CEP162: variants seen among roughly 807,000 people sequenced by gnomAD.
CEP162 encodes centrosomal protein of 162 kDa.
A neutral mutation model predicts 169.2 loss-of-function variants in CEP162; 141 were observed. That is an observed-to-expected ratio of 0.83 (90% CI 0.73 to 0.96). The LOEUF is 0.96. Ranked by LOEUF, CEP162 falls within the 40% of genes least tolerant of loss-of-function variation. The pLI is 0.00. For missense variants in CEP162, 1,600 were observed against 1,587.2 expected (o/e 1.01, Z -0.14); for synonymous variants, 540 against 526.4 (o/e 1.03, Z -0.35).
intron 21 of CEP162, among the ~76,000 whole-genome samples, chr6:84,158,085 C>T (rs904033083): frequency 9.2e-5 from 14 of 152,180 alleles, no homozygotes; most frequent in Non-Finnish European, 2.9e-5. Context: ...ATATGCCTGT[C>T]TATATACCTG....
In CEP162 at chr6:84,145,949, T is replaced by C. The variant is rs1242609174; in HGVS notation, c.3870+738A>G. The stretch of plus-strand genomic sequence containing the variant: ...TCTTTTGTTTCCATAGAAATGCCTC[T>C]TATTAGATCACCATATAGAGGCCTA... On this transcript the variant is annotated intron_variant, in intron 25 of 26. Transcript: ENST00000403245. Among the ~76,000 whole-genome samples the C allele has an allele frequency of 3.3e-5, 5 of 152,136 alleles. 1 individual carries two copies. The South Asian group carries it at 8.3e-4, about 25-fold the overall frequency.
chr6:84,180,941 G>C (rs1262718055), intron 13 of CEP162, among the ~76,000 whole-genome samples: 1 of 151,954 alleles, frequency 6.6e-6, no homozygotes, highest in African/African-American at 2.4e-5. Flanking sequence ...TATAGATTCA[G>C]TGCCATCCCC....
chr6:84,196,767 T>C (rs1434579329), intron 9 of CEP162, among the ~76,000 whole-genome samples: 3 of 152,308 alleles, frequency 2.0e-5, no homozygotes, highest in East Asian at 1.9e-4. Context: ...ACAGAAGAGA[T>C]AGCCAAGTGG....
In CEP162 at chr6:84,152,854, G is replaced by A. The variant is rs766441021; in HGVS notation, c.3320C>T (p.Thr1107Ile). 2.1e-5 allele frequency: 34 copies of A among 1,613,478 alleles called. 1 individual carries two copies. The African/African-American group carries it at 4.4e-4, about 21-fold the overall frequency. ...KKREIQDLSK[T>I]VERLQKDRRM... ...TCTGTCTTTCTGAAGCCTCTCCACA[G>A]TTTTTGAGAGGTCTTGTATTTCTCT... Residue 1107 changes from threonine to isoleucine, a missense_variant, in exon 23 of 27, where the codon ACT (threonine) becomes ATT (isoleucine). Coordinates refer to ENST00000403245, the MANE Select transcript of CEP162 (RefSeq NM_014895.4).
At chr6:84,219,963 T>C (rs564967438) in intron 3 of CEP162, among the ~76,000 whole-genome samples, 28 of 152,234 alleles carry the variant, frequency 1.8e-4, no homozygotes, top group African/African-American at 6.3e-4. Context: ...GTGGTGATGC[T>C]AGGCTTTATT....
chr6:84,178,587 G>A (rs1562047690), intron 13 of CEP162, among the ~76,000 whole-genome samples: 1 of 152,194 alleles, frequency 6.6e-6, no homozygotes, highest in Non-Finnish European at 1.5e-5. Context: ...AGGGGATGTA[G>A]TAAGGGGTAA....
intron 10 of CEP162, among the ~76,000 whole-genome samples, chr6:84,194,661 C>T (rs978718305): frequency 1.3e-5 from 2 of 151,870 alleles, no homozygotes; most frequent in Non-Finnish European, 2.9e-5. Flanking sequence ...ACCATGTTGC[C>T]CAGGATGGTC....
intron 25 of CEP162, among the ~76,000 whole-genome samples, chr6:84,141,890 A>AACTT (rs1295127109): frequency 6.6e-6 from 1 of 152,086 alleles, no homozygotes; most frequent in African/African-American, 2.4e-5. Context: ...GGAAAAGAAA[A>AACTT]ACTTAAAAAA....
chr6:84,200,783 T>G lies in CEP162; in HGVS notation c.835+6A>C. 1 of 1,501,178 alleles carries G rather than the reference T, an allele frequency of 6.7e-7. No individual in the cohort carries two copies. Among genetic ancestry groups the G allele is most frequent in the Non-Finnish European group, 9.3e-7 (1 of 1,078,036 alleles). The allele number at this position is 1,501,178 out of a possible 1,614,324, so 93.0% of individuals were successfully genotyped here. ...AGAGAACAGTCAGGTTTCTAAACAT[T>G]TTTACCTGTTCCTGTCATTTCATTC... is the stretch of plus-strand genomic sequence containing the variant. On this transcript the variant is annotated splice_donor_region_variant and intron_variant, in intron 9 of 26. Transcript: ENST00000403245.
At chr6:84,172,245 T>G (rs988174344) in intron 16 of CEP162, among the ~76,000 whole-genome samples, 4 of 152,300 alleles carry the variant, frequency 2.6e-5, no homozygotes, top group African/African-American at 9.6e-5. Flanking sequence ...GACCGGTGTT[T>G]CTGAAAGTTG....
At chr6:84,213,501 C>T (rs2099550343) in intron 5 of CEP162, among the ~76,000 whole-genome samples, 1 of 152,160 alleles carries the variant, frequency 6.6e-6, no homozygotes, top group Non-Finnish European at 1.5e-5. Flanking sequence ...AGCAAGGGGA[C>T]AAAGGAGCTT....
At chr6:84,222,210 G>T (rs768323516) in intron 2 of CEP162, among the ~76,000 whole-genome samples, 2 of 152,062 alleles carry the variant, frequency 1.3e-5, no homozygotes, top group South Asian at 2.1e-4. Context: ...AAAGGCCTCC[G>T]AAATGCCACA....
Position 84,193,715 on chromosome 6 carries a change from A to T in CEP162, c.1028-25T>A, listed in dbSNP as rs752712104. On this transcript the variant is annotated intron_variant, in intron 10 of 26. Coordinates refer to ENST00000403245, the MANE Select transcript of CEP162 (RefSeq NM_014895.4). ...TCTAAGAGGTGGAAAAAAAAGTAGA[A>T]ACGAAAAATGTTATGTAGGTTGCTT... 2.1e-6 allele frequency: 3 copies of T among 1,449,286 alleles called. No homozygotes were observed. The Admixed American group carries it at 6.6e-5, about 32-fold the overall frequency. 89.8% of individuals were successfully genotyped at this position (1,449,286 alleles called of 1,614,324 possible).
At chr6:84,125,933 C>G (rs1268121390) in intron 26 of CEP162, among the ~76,000 whole-genome samples, 1 of 152,134 alleles carries the variant, frequency 6.6e-6, no homozygotes, top group African/African-American at 2.4e-5. Context: ...ACACATCATG[C>G]CCTTACATCT....
At chr6:84,154,353 T>TGTCC (rs1491270617) in intron 22 of CEP162, among the ~76,000 whole-genome samples, 3 of 151,550 alleles carry the variant, frequency 2.0e-5, no homozygotes, top group Admixed American at 6.6e-5. Flanking sequence ...TCTGTCTGTC[T>TGTCC]GTCTGTCTAT....
chr6:84,196,732 A>C (rs1048721057), intron 9 of CEP162, among the ~76,000 whole-genome samples: 1 of 152,198 alleles, frequency 6.6e-6, no homozygotes, highest in African/African-American at 2.4e-5. Context: ...ATACAATGTA[A>C]GTTGTGTATA....
intron 24 of CEP162, 66 bp downstream of exon 24, chr6:84,149,496 C>T: frequency 7.8e-7 from 1 of 1,289,038 alleles, no homozygotes; most frequent in Middle Eastern, 2.0e-4. Context: ...ACAATGTTAA[C>T]TTTAATCTCA....
At chr6:84,148,183 AT>A (rs551219856) in intron 24 of CEP162, among the ~76,000 whole-genome samples, 127 of 152,188 alleles carry the variant, frequency 8.3e-4, no homozygotes, top group African/African-American at 2.7e-3. Context: ...CACTTTAAGT[AT>A]TTTTCATTAA....
chr6:84,214,761 T>G (rs1743045933), intron 5 of CEP162, among the ~76,000 whole-genome samples: 1 of 152,162 alleles, frequency 6.6e-6, no homozygotes, highest in African/African-American at 2.4e-5. Flanking sequence ...ACCTCAGGTT[T>G]CAAAGGTCTT....
Sources: allele counts gnomAD v4.1 joint callset (sites outside exome capture counted in the v4.1 genomes callset), GRCh38; gene constraint gnomAD v4.1.1; transcripts MANE v1.5; gene names NCBI Gene and HGNC (gene_info 2026-07-23, HGNC 2026-07-21).